Variants in SBF2 observed in about 807,000 individuals in gnomAD.
The protein encoded by SBF2 is myotubularin-related protein 13.
SBF2 carries 112 observed loss-of-function variants against 225.2 expected under a neutral mutation model. The observed-to-expected ratio is 0.50, with a 90% confidence interval of 0.43 to 0.58. The LOEUF is 0.58. Among genes scored for constraint, SBF2 ranks in the 20% least tolerant of loss-of-function variants. The pLI is 0.00. For synonymous variants in SBF2, 763 were observed against 773.3 expected (o/e 0.99, Z 0.22); for missense variants, 1,996 against 2,206.2 (o/e 0.90, Z 1.91).
At chr11:10,150,996 C>A (rs897008843) in intron 2 of SBF2, among the ~76,000 whole-genome samples, 2 of 152,062 alleles carry the variant, frequency 1.3e-5, no homozygotes, top group East Asian at 3.8e-4. Flanking sequence ...TATAGAAACA[C>A]CAGTCAGCAT....
rs942610912 is a variant in SBF2 at position 10,144,886 on chromosome 11, G to A, written c.141+49016C>T. ...TCCAAATCCAAAATAAATACTAAGC[G>A]TCAAGCAACTTAACATACTACTTCA... On this transcript the variant is annotated intron_variant, in intron 2 of 39. Transcript: ENST00000256190. Among the ~76,000 whole-genome samples the A allele has an allele frequency of 2.0e-4, 31 of 152,264 alleles. 2 individuals carry two copies. Among genetic ancestry groups the A allele is most frequent in the Admixed American group, 1.9e-3 (29 of 15,286 alleles).
Position 9,853,670 on chromosome 11 carries a change from C to T in SBF2, c.2406G>A (p.Gly802=), listed in dbSNP as rs1188902466. The T allele has an allele frequency of 6.2e-7, 1 of 1,613,942 alleles. No individual in the cohort carries two copies. The highest frequency in any genetic ancestry group is 8.5e-7 in the Non-Finnish European group (1 of 1,179,888). ...TGTCAGTATTCTCTGAATCTTCAAACCCACTCTCTGTATCATAGCTCTCAG... is the reference window on the plus strand; with the variant it reads ...TGTCAGTATTCTCTGAATCTTCAAATCCACTCTCTGTATCATAGCTCTCAG... ...SVAESYDTES[G]FEDSENTDIA... is the part of the protein sequence containing the mutation. The change falls in exon 20 of 40, where the codon GGG becomes GGA. Residue 802 remains glycine, a synonymous_variant. Coordinates refer to ENST00000256190, the MANE Select transcript of SBF2 (RefSeq NM_030962.4).
At chr11:10,275,935 A>G (rs1962924793) in intron 1 of SBF2, among the ~76,000 whole-genome samples, 1 of 152,190 alleles carries the variant, frequency 6.6e-6, no homozygotes, top group African/African-American at 2.4e-5. Flanking sequence ...ACAACATGCT[A>G]TACAGGTTTC....
Position 10,037,742 on chromosome 11 carries a change from T to C in SBF2, c.279+5102A>G, listed in dbSNP as rs992208680. On this transcript the variant is annotated intron_variant, in intron 3 of 39. Transcript: ENST00000256190. ...CTCTCTATGTCTTCTACAATGAGCA[T>C]AGTTTACTATGATAAAGAGCGGGAT... Among the ~76,000 whole-genome samples the C allele has an allele frequency of 2.0e-5, 3 of 150,758 alleles. No homozygotes were observed. In the Admixed American group the frequency reaches 2.0e-4, roughly 10 times the overall value.
At chr11:10,169,624 G>A (rs1004831337) in intron 2 of SBF2, among the ~76,000 whole-genome samples, 16 of 152,192 alleles carry the variant, frequency 1.1e-4, no homozygotes, top group African/African-American at 3.6e-4. Context: ...ATTGTGAATA[G>A]TGTTGCAGTA....
intron 6 of SBF2, among the ~76,000 whole-genome samples, chr11:10,018,008 T>G (rs1302105184): frequency 6.6e-6 from 1 of 152,118 alleles, no homozygotes; most frequent in Admixed American, 6.6e-5. Flanking sequence ...TATCTACTTT[T>G]AATTCTAAAT....
intron 2 of SBF2, among the ~76,000 whole-genome samples, chr11:10,108,725 T>C (rs867017468): frequency 7.9e-5 from 12 of 151,288 alleles, no homozygotes; most frequent in East Asian, 1.9e-4. Context: ...GGGGTTTCAC[T>C]GTGTTAGCCA....
At chr11:10,133,716 TG>T (rs1954210307) in intron 2 of SBF2, among the ~76,000 whole-genome samples, 1 of 150,656 alleles carries the variant, frequency 6.6e-6, no homozygotes, top group Non-Finnish European at 1.5e-5. Flanking sequence ...GCTGAGGGAG[TG>T]GGCTCCGGCC....
intron 1 of SBF2, among the ~76,000 whole-genome samples, chr11:10,234,032 G>T (rs1958964682): frequency 6.6e-6 from 1 of 152,072 alleles, no homozygotes; most frequent in Admixed American, 6.6e-5. Context: ...GGACCTAACA[G>T]ATATAATGAT....
intron 25 of SBF2, 102 bp downstream of exon 25, chr11:9,842,523 C>G: frequency 8.2e-7 from 1 of 1,214,498 alleles, no homozygotes; most frequent in Non-Finnish European, 1.2e-6. Context: ...CTCATGAGAT[C>G]TAGGTTTTTG....
In SBF2 at chr11:10,253,118, C is replaced by CAAAAAAAAAAAAAAAA. The variant is rs546522229; in HGVS notation, c.55+40881_55+40896dup. On this transcript the variant is annotated intron_variant, in intron 1 of 39. Coordinates refer to ENST00000256190, the MANE Select transcript of SBF2 (RefSeq NM_030962.4). The stretch of plus-strand genomic sequence containing the variant: ...CAACCTCCACACAAGAGGTAAATAC[C>CAAAAAAAAAAAAAAAA]AAAAAAAAAAAAAAAAAAAAAAAAT... Among the ~76,000 whole-genome samples, 4 of 77,252 alleles carry CAAAAAAAAAAAAAAAA rather than the reference C, an allele frequency of 5.2e-5. 1 individual carries two copies. The highest frequency in any genetic ancestry group is 1.6e-4 in the Admixed American group (1 of 6,178). 50.7% of individuals were successfully genotyped at this position (77,252 alleles called of 152,430 possible).
intron 16 of SBF2, chr11:9,959,768 A>G (rs1288256882): frequency 3.1e-6 from 2 of 644,256 alleles, no homozygotes; most frequent in Non-Finnish European, 6.0e-6. Flanking sequence ...TTTAAGTGGG[A>G]GCTTGCTGAG....
chr11:10,239,107 G>T (rs1010974583), intron 1 of SBF2, among the ~76,000 whole-genome samples: 1 of 150,104 alleles, frequency 6.7e-6, no homozygotes, highest in African/African-American at 2.4e-5. Context: ...TAACATAAAC[G>T]TGTGTATATG....
intron 3 of SBF2, among the ~76,000 whole-genome samples, chr11:10,039,942 A>C (rs909894239): frequency 2.4e-4 from 36 of 152,078 alleles, no homozygotes; most frequent in Admixed American, 5.9e-4. Context: ...CAAAAAAAAA[A>C]CCTGAATCCA....
At chr11:10,194,175 T>C (rs1019842218) in intron 1 of SBF2, among the ~76,000 whole-genome samples, 188 bp from the exon 2 acceptor site, 1 of 152,176 alleles carries the variant, frequency 6.6e-6, no homozygotes. Context: ...TCCATATCCA[T>C]GGGTTTTGCA....
At chr11:10,220,930 T>G (rs1041409578) in intron 1 of SBF2, among the ~76,000 whole-genome samples, 1 of 152,162 alleles carries the variant, frequency 6.6e-6, no homozygotes, top group Non-Finnish European at 1.5e-5. Context: ...CTATTTCTCA[T>G]AGATAAAACA....
At chr11:10,034,409 T>G (rs1949364133) in intron 3 of SBF2, among the ~76,000 whole-genome samples, 1 of 152,240 alleles carries the variant, frequency 6.6e-6, no homozygotes, top group African/African-American at 2.4e-5. Flanking sequence ...ACTAGATTGC[T>G]GATTGCACGC....
intron 1 of SBF2, among the ~76,000 whole-genome samples, chr11:10,227,759 C>T (rs1958639198): frequency 6.6e-6 from 1 of 152,150 alleles, no homozygotes; most frequent in Non-Finnish European, 1.5e-5. Flanking sequence ...TAGTGTGATG[C>T]CTCCAGCTTT....
intron 16 of SBF2, among the ~76,000 whole-genome samples, chr11:9,901,357 A>G (rs1352166330): frequency 6.6e-6 from 1 of 152,214 alleles, no homozygotes. Context: ...GAAGTCCATT[A>G]GAAGAATATA....
Sources: gnomAD v4.1 joint callset for allele counts (sites outside exome capture counted in the v4.1 genomes callset) on GRCh38, gnomAD v4.1.1 for gene constraint, MANE v1.5 for transcripts, NCBI Gene and HGNC (gene_info 2026-07-23, HGNC 2026-07-21) for gene names.